SLIT3: variants seen among roughly 807,000 people sequenced by gnomAD.
SLIT3 encodes slit homolog 3 protein.
Under a neutral mutation model 184.0 loss-of-function variants are expected in SLIT3, and 68 were observed. The ratio of observed to expected loss-of-function variants is 0.37; its 90% CI spans 0.30 to 0.45. The LOEUF (loss-of-function observed/expected upper bound fraction) is 0.45. SLIT3 is among the 20% of genes least tolerant of loss of function. The pLI is 1.00. For synonymous variants in SLIT3, 831 were observed against 828.6 expected (o/e 1.00, Z -0.05); for missense variants, 1,707 against 2,026.0 (o/e 0.84, Z 3.02).
intron 4 of SLIT3, among the ~76,000 whole-genome samples, chr5:168,935,828 G>A (rs1021961102): frequency 2.0e-5 from 3 of 152,176 alleles, no homozygotes; most frequent in African/African-American, 7.2e-5. Context: ...AGACAACTGT[G>A]GTACGGTTTC....
At chr5:169,014,601 A>G (rs13358125) in intron 4 of SLIT3, among the ~76,000 whole-genome samples, 45,744 of 152,076 alleles carry the variant, frequency 0.3, 8,381 homozygotes, top group East Asian at 0.54. Context: ...AGGAATGAAG[A>G]GAAGGAAGGA....
At chr5:168,800,080 C>T (rs773215866) in intron 9 of SLIT3, among the ~76,000 whole-genome samples, 9 of 152,202 alleles carry the variant, frequency 5.9e-5, no homozygotes, top group Non-Finnish European at 8.8e-5. Context: ...AGGAAGGAAG[C>T]CCCATGTTTA....
At chr5:168,792,041 C>T (rs926579285) in intron 10 of SLIT3, 9 of 152,168 alleles carry the variant, frequency 5.9e-5, no homozygotes, top group African/African-American at 2.2e-4. Context: ...AAACAGCAGC[C>T]CTGAGAGGTG....
intron 4 of SLIT3, among the ~76,000 whole-genome samples, chr5:168,949,987 A>G (rs1463305887): frequency 6.6e-6 from 1 of 152,196 alleles, no homozygotes; most frequent in Non-Finnish European, 1.5e-5. Flanking sequence ...TAAACCACTG[A>G]AAAAATACAG....
At chr5:168,840,658 T>C (rs1242358255) in intron 6 of SLIT3, among the ~76,000 whole-genome samples, 1 of 152,148 alleles carries the variant, frequency 6.6e-6, no homozygotes, top group African/African-American at 2.4e-5. Context: ...AAACCTAGTG[T>C]TGTATGCGAA....
intron 23 of SLIT3, among the ~76,000 whole-genome samples, chr5:168,718,947 G>A (rs1337095018): frequency 1.3e-5 from 2 of 152,204 alleles, no homozygotes; most frequent in East Asian, 3.8e-4. Context: ...ATATACAAAT[G>A]TTCAAATGCA....
At chr5:168,923,013 A>T (rs979836728) in intron 4 of SLIT3, among the ~76,000 whole-genome samples, 3 of 152,198 alleles carry the variant, frequency 2.0e-5, no homozygotes, top group Non-Finnish European at 1.5e-5. Context: ...ACTTTCATTA[A>T]GAGGTTGAGT....
chr5:168,911,687 G>A (rs1177337532), intron 4 of SLIT3, among the ~76,000 whole-genome samples: 2 of 152,128 alleles, frequency 1.3e-5, no homozygotes, highest in Non-Finnish European at 2.9e-5. Flanking sequence ...ATAAGATGTC[G>A]GGATCATAGC....
intron 4 of SLIT3, among the ~76,000 whole-genome samples, chr5:168,981,486 G>A (rs1432912): frequency 6.6e-6 from 1 of 151,828 alleles, no homozygotes; most frequent in East Asian, 1.9e-4. Flanking sequence ...CATGCGCAGA[G>A]CCTCCCTTAT....
chr5:168,777,107 C>CACACA (rs1755788795), intron 12 of SLIT3, among the ~76,000 whole-genome samples: 62 of 12,196 alleles, frequency 5.1e-3, no homozygotes, highest in South Asian at 0.011. Context: ...ACACACACAC[C>CACACA]CCCCATACCA....
At chr5:168,938,952 T>C (rs1762249243) in intron 4 of SLIT3, among the ~76,000 whole-genome samples, 1 of 152,056 alleles carries the variant, frequency 6.6e-6, no homozygotes, top group East Asian at 1.9e-4. Flanking sequence ...TATAGAGATA[T>C]ACCCTGATTT....
intron 25 of SLIT3, among the ~76,000 whole-genome samples, chr5:168,709,456 T>G (rs137922243): frequency 1.3e-5 from 2 of 152,304 alleles, no homozygotes; most frequent in African/African-American, 4.8e-5. Context: ...CAATTTAATC[T>G]AAACCTAGAG....
At chr5:168,885,788 T>C (rs1760179008) in intron 4 of SLIT3, among the ~76,000 whole-genome samples, 1 of 152,224 alleles carries the variant, frequency 6.6e-6, no homozygotes, top group African/African-American at 2.4e-5. Flanking sequence ...TGTGTTCCAG[T>C]AATGCACTAA....
At position 169,207,301 on chromosome 5, in the gene SLIT3, C is replaced by T. The variant is rs1466219434; in HGVS notation, c.342-13751G>A. Among the ~76,000 whole-genome samples the T allele has an allele frequency of 2.0e-5, 3 of 150,026 alleles. No homozygotes were observed. The Admixed American group carries it at 2.0e-4, about 10-fold the overall frequency. Reference sequence around the variant, plus strand: ...CCAATTCGTGGACTGAAGCAGGGACCCTCACAAATAGATTCCAGGTGTGTT... The same window carrying T: ...CCAATTCGTGGACTGAAGCAGGGACTCTCACAAATAGATTCCAGGTGTGTT... On this transcript the variant is annotated intron_variant, in intron 3 of 35. Coordinates refer to ENST00000519560, the MANE Select transcript of SLIT3 (RefSeq NM_003062.4).
intron 4 of SLIT3, among the ~76,000 whole-genome samples, chr5:169,105,988 G>A (rs765762390): frequency 3.3e-5 from 5 of 151,188 alleles, no homozygotes; most frequent in Non-Finnish European, 7.4e-5. Context: ...TGGGATGGCT[G>A]GGTCAAATGG....
intron 4 of SLIT3, among the ~76,000 whole-genome samples, chr5:169,028,000 G>C (rs1314437414): frequency 6.6e-6 from 1 of 152,116 alleles, no homozygotes; most frequent in Admixed American, 6.6e-5. Flanking sequence ...TGACCTGCTG[G>C]AGCTGAGACG....
At chr5:169,005,017 A>G (rs982053504) in intron 4 of SLIT3, among the ~76,000 whole-genome samples, 2 of 152,202 alleles carry the variant, frequency 1.3e-5, no homozygotes, top group African/African-American at 4.8e-5. Flanking sequence ...GTTTGTGGCA[A>G]CCTGCATCAA....
intron 14 of SLIT3, among the ~76,000 whole-genome samples, chr5:168,764,296 T>C (rs886329770): frequency 6.6e-6 from 1 of 152,190 alleles, no homozygotes; most frequent in Non-Finnish European, 1.5e-5. Flanking sequence ...CACTATTCTT[T>C]CCATTTCAAA....
intron 20 of SLIT3, among the ~76,000 whole-genome samples, chr5:168,745,691 C>A (rs7444557): frequency 4.6e-5 from 7 of 152,104 alleles, no homozygotes; most frequent in African/African-American, 1.7e-4. Flanking sequence ...GGATTACAGG[C>A]GTGAGCCACG....
Sources: allele counts gnomAD v4.1 joint callset (sites outside exome capture counted in the v4.1 genomes callset), GRCh38; gene constraint gnomAD v4.1.1; transcripts MANE v1.5; gene names NCBI Gene and HGNC (gene_info 2026-07-23, HGNC 2026-07-21).